Variants in KMT2C observed in about 807,000 individuals in gnomAD.
KMT2C encodes the protein lysine methyltransferase 2C.
A neutral mutation model predicts 507.9 loss-of-function variants in KMT2C; 88 were observed. The ratio of observed to expected loss-of-function variants is 0.17; its 90% CI spans 0.15 to 0.21. The LOEUF is 0.21. Among genes scored for constraint, KMT2C ranks in the 10% least tolerant of loss-of-function variants. The probability of loss-of-function intolerance (pLI) is 1.00; values close to 1 mark genes in which losing one functional copy is unlikely to be tolerated. For missense variants in KMT2C, 4,954 were observed against 5,957.8 expected (o/e 0.83, Z 5.55); for synonymous variants, 2,049 against 2,080.8 (o/e 0.98, Z 0.42).
intron 55 of KMT2C, among the ~76,000 whole-genome samples, chr7:152,143,805 A>G (rs1012735360): frequency 3.3e-5 from 5 of 152,218 alleles, no homozygotes; most frequent in Admixed American, 1.3e-4. Context: ...AAGGGTTCCA[A>G]CAAAGGAACA....
In KMT2C at chr7:152,159,077, T is replaced by A. The variant is rs893152303; in HGVS notation, c.11461-5A>T. Reference sequence around the variant, plus strand: ...CATTTGAGCCCCCAAAGTTTGCTAATGTAATTGGAAAGGGTAAAAAATAAG... The same window carrying A: ...CATTTGAGCCCCCAAAGTTTGCTAAAGTAATTGGAAAGGGTAAAAAATAAG... On this transcript the variant is annotated splice_region_variant and splice_polypyrimidine_tract_variant and intron_variant, in intron 43 of 58. Coordinates refer to ENST00000262189, the MANE Select transcript of KMT2C (RefSeq NM_170606.3). 6.2e-7 allele frequency: 1 copy of A among 1,613,920 alleles called. No homozygotes were observed. Among genetic ancestry groups the A allele is most frequent in the Non-Finnish European group, 8.5e-7 (1 of 1,179,816 alleles).
chr7:152,324,453 CAAA>C (rs1041433862), intron 3 of KMT2C, among the ~76,000 whole-genome samples: 8 of 151,392 alleles, frequency 5.3e-5, no homozygotes, highest in African/African-American at 1.9e-4. Context: ...ATTTGCCAAT[CAAA>C]AATAACATTC....
At chr7:152,424,723 C>A (rs1266521559) in intron 1 of KMT2C, among the ~76,000 whole-genome samples, 1 of 152,150 alleles carries the variant, frequency 6.6e-6, no homozygotes, top group African/African-American at 2.4e-5. Context: ...CCCACGCCGG[C>A]CCCTTCGCTA....
chr7:152,224,349 T>C (rs1386386404), intron 19 of KMT2C, 86 bp downstream of exon 19: 3 of 1,377,516 alleles, frequency 2.2e-6, no homozygotes, highest in Non-Finnish European at 2.0e-6. Flanking sequence ...TTCAATTAAA[T>C]AGGTGTGGCT....
intron 3 of KMT2C, among the ~76,000 whole-genome samples, chr7:152,320,589 T>C (rs534392943): frequency 6.6e-6 from 1 of 151,766 alleles, no homozygotes; most frequent in Non-Finnish European, 1.5e-5. Flanking sequence ...AACCTGAGTT[T>C]CTCAGAACAA....
At position 152,195,900 on chromosome 7, in the gene KMT2C, T is replaced by C. The variant is rs772505139; in HGVS notation, c.4378+7A>G. The C allele has an allele frequency of 6.8e-6, 10 of 1,476,726 alleles. No individual in the cohort carries two copies. In the South Asian group the frequency reaches 8.0e-5, roughly 12 times the overall value. 91.5% of individuals were successfully genotyped at this position (1,476,726 alleles called of 1,614,324 possible). A position where few individuals can be genotyped will look rare whatever the true frequency, so the allele number is the denominator to read the frequency against. Reference sequence around the variant, plus strand: ...CCAGAAAAAGGGTAAACAGTATTCATATATACCTGAATGATCAACTGATTT... The same window carrying C: ...CCAGAAAAAGGGTAAACAGTATTCACATATACCTGAATGATCAACTGATTT... On this transcript the variant is annotated splice_region_variant and intron_variant, in intron 28 of 58. Coordinates refer to ENST00000262189, the MANE Select transcript of KMT2C (RefSeq NM_170606.3).
At chr7:152,233,305 A>G (rs2095178566) in intron 16 of KMT2C, among the ~76,000 whole-genome samples, 1 of 152,176 alleles carries the variant, frequency 6.6e-6, no homozygotes, top group Non-Finnish European at 1.5e-5. Flanking sequence ...AATACGTGCT[A>G]TTGTTGCCTG....
At chr7:152,200,758 T>A (rs2094112938) in intron 26 of KMT2C, among the ~76,000 whole-genome samples, 1 of 152,114 alleles carries the variant, frequency 6.6e-6, no homozygotes, top group African/African-American at 2.4e-5. Flanking sequence ...AAATCAAGAC[T>A]ATTATAAGTT....
rs752709995 is a variant in KMT2C at position 152,182,547 on chromosome 7, C to T, written c.5313G>A (p.Gln1771=). 20 of 1,601,942 alleles carry T rather than the reference C, an allele frequency of 1.2e-5. No homozygotes were observed. The East Asian group carries it at 4.0e-4, about 32-fold the overall frequency. The change falls in exon 36 of 59, where the codon CAG becomes CAA. Residue 1771 remains glutamine (Q), a synonymous_variant. Transcript: ENST00000262189. ...GCTCATTTTTCACCTGTTCAAGTTTCTGTGTGGCTTCAATTTTAGCTTGCT... is the reference window on the plus strand; with the variant it reads ...GCTCATTTTTCACCTGTTCAAGTTTTTGTGTGGCTTCAATTTTAGCTTGCT... ...SKQQAKIEAT[Q]KLEQVKNEQQ... is the part of the protein sequence containing the mutation.
At chr7:152,358,489 T>C (rs2097170319) in intron 2 of KMT2C, 98 bp downstream of exon 2, 1 of 760,490 alleles carries the variant, frequency 1.3e-6, no homozygotes, top group Non-Finnish European at 2.1e-6. Flanking sequence ...TAAAAACAAA[T>C]GCTTAACACA....
At chr7:152,300,072 A>G (rs1377612759) in intron 6 of KMT2C, among the ~76,000 whole-genome samples, 2 of 152,242 alleles carry the variant, frequency 1.3e-5, no homozygotes, top group Admixed American at 1.3e-4. Context: ...ACATTAGAAC[A>G]CTTATCACAG....
chr7:152,394,028 C>A (rs2097521954), intron 1 of KMT2C, among the ~76,000 whole-genome samples: 1 of 152,104 alleles, frequency 6.6e-6, no homozygotes, highest in African/African-American at 2.4e-5. Flanking sequence ...AACTACGAAT[C>A]CTCTTTTTCT....
Position 152,158,883 on chromosome 7 carries a change from T to A in KMT2C, c.11650A>T (p.Thr3884Ser), listed in dbSNP as rs753710372. The A allele has an allele frequency of 2.5e-6, 4 of 1,614,098 alleles. No homozygotes were observed. The highest frequency in any genetic ancestry group is 1.1e-5 in the South Asian group (1 of 91,086). Reference protein sequence around the residue: ...EKQAMYSSTDTFTHLKQQNNL... With the variant: ...EKQAMYSSTDSFTHLKQQNNL... The stretch of plus-strand genomic sequence containing the variant: ...CTCACCTGTTTCAAGTGGGTAAACG[T>A]GTCAGTGCTAGAGTACATAGCTTGT... The change falls in exon 44 of 59, where the codon ACG (threonine) becomes TCG (serine). Residue 3884 changes from threonine to serine, a missense_variant. Physicochemically the swap from Thr to Ser is moderately conservative, Grantham distance 58. This residue lies in a region of KMT2C where 801 missense variants were observed against 751.2 expected (regional missense o/e 1.07). Coordinates refer to ENST00000262189, the MANE Select transcript of KMT2C (RefSeq NM_170606.3).
At chr7:152,140,965 C>T (rs377755841) in intron 55 of KMT2C, among the ~76,000 whole-genome samples, 70 of 152,172 alleles carry the variant, frequency 4.6e-4, no homozygotes, top group African/African-American at 1.3e-3. Flanking sequence ...ATGGGCCAGG[C>T]GTGGTGACTC....
intron 6 of KMT2C, among the ~76,000 whole-genome samples, chr7:152,297,355 G>A (rs1288323094): frequency 6.6e-6 from 1 of 152,146 alleles, no homozygotes; most frequent in Non-Finnish European, 1.5e-5. Flanking sequence ...AATGCTGAGA[G>A]GAGACAGTTG....
At chr7:152,377,360 T>TATCCA (rs2097336848) in intron 1 of KMT2C, among the ~76,000 whole-genome samples, 2 of 152,124 alleles carry the variant, frequency 1.3e-5, no homozygotes, top group Non-Finnish European at 2.9e-5. Flanking sequence ...GAATGTTACT[T>TATCCA]TCATGCCTGC....
chr7:152,230,315 T>C lies in KMT2C; in HGVS notation c.2776A>G (p.Thr926Ala), dbSNP rs759892421. The change falls in exon 17 of 59, where the codon ACT becomes GCT. Residue 926 changes from threonine to alanine, a missense_variant. Thr to Ala is a moderately conservative substitution (Grantham distance 58, BLOSUM62 0). Coordinates refer to ENST00000262189, the MANE Select transcript of KMT2C (RefSeq NM_170606.3). ...TCCTTATTTGATGAAATATCTGCAGTAGACACCTATAAAAAGCAAAATACA... is the reference window on the plus strand; with the variant it reads ...TCCTTATTTGATGAAATATCTGCAGCAGACACCTATAAAAAGCAAAATACA... ...IGAVVLPGVS[T>A]ADISSNKDDE... 2.6e-6 allele frequency: 4 copies of C among 1,534,312 alleles called. No individual in the cohort carries two copies. Among genetic ancestry groups the C allele is most frequent in the South Asian group, 1.2e-5 (1 of 85,284 alleles).
At chr7:152,376,104 T>C (rs942520052) in intron 1 of KMT2C, among the ~76,000 whole-genome samples, 7 of 152,174 alleles carry the variant, frequency 4.6e-5, no homozygotes, top group Non-Finnish European at 1.0e-4. Context: ...CATGCTATCT[T>C]TGATGTTACT....
At chr7:152,257,585 CTGA>C (rs202180013) in intron 9 of KMT2C, among the ~76,000 whole-genome samples, 22 of 152,226 alleles carry the variant, frequency 1.4e-4, no homozygotes, top group Admixed American at 1.2e-3. Flanking sequence ...AATAAATGTG[CTGA>C]TGTTGCTACA....
Sources: gnomAD v4.1 joint callset for allele counts (sites outside exome capture counted in the v4.1 genomes callset) on GRCh38, gnomAD v4.1.1 for gene constraint, gnomAD v4.1.1 regional missense constraint, MANE v1.5 for transcripts, NCBI Gene and HGNC (gene_info 2026-07-23, HGNC 2026-07-21) for gene names.